BRINP2: variants seen among roughly 807,000 people sequenced by gnomAD.
The protein encoded by BRINP2 is BMP/retinoic acid-inducible neural-specific protein 2.
BRINP2 carries 21 observed loss-of-function variants against 69.2 expected under a neutral mutation model. The ratio of observed to expected loss-of-function variants is 0.30; its 90% CI spans 0.22 to 0.44. BRINP2 has a LOEUF of 0.44. BRINP2 is among the 20% of genes least tolerant of loss of function. The pLI is 1.00. For synonymous variants in BRINP2, 380 were observed against 394.1 expected, an observed-to-expected ratio of 0.96 and a Z score of 0.42; for missense variants, 877 against 986.0, an observed-to-expected ratio of 0.89 and a Z score of 1.48.
At chr1:177,253,055 T>C (rs915558437) in intron 2 of BRINP2, among the ~76,000 whole-genome samples, 4 of 152,200 alleles carry the variant, frequency 2.6e-5, no homozygotes, top group Non-Finnish European at 4.4e-5. Flanking sequence ...TTCCTTTGAA[T>C]ATGTACCTAG....
Position 177,281,736 on chromosome 1 carries a change from A to C in BRINP2, c.*208A>C. On this transcript the variant is annotated 3_prime_UTR_variant, in exon 8 of 8. Coordinates refer to ENST00000361539, the MANE Select transcript of BRINP2 (RefSeq NM_021165.4). ...CGCACGCATACACACACACACACACACACTGGCACAGGGAGGCTACAACTA... is the reference window on the plus strand; with the variant it reads ...CGCACGCATACACACACACACACACCCACTGGCACAGGGAGGCTACAACTA... 1 of 515,160 alleles carries C rather than the reference A, an allele frequency of 1.9e-6. No homozygotes were observed. Among genetic ancestry groups the C allele is most frequent in the Non-Finnish European group, 3.3e-6 (1 of 302,536 alleles). 31.9% of individuals were successfully genotyped at this position (515,160 alleles called of 1,614,324 possible).
chr1:177,205,628 G>A (rs936201331), intron 1 of BRINP2, among the ~76,000 whole-genome samples: 1 of 152,142 alleles, frequency 6.6e-6, no homozygotes, highest in Non-Finnish European at 1.5e-5. Context: ...GACCACACAG[G>A]CAGGGCCTGC....
At chr1:177,187,101 T>G (rs1000012976) in intron 1 of BRINP2, among the ~76,000 whole-genome samples, 6 of 151,928 alleles carry the variant, frequency 3.9e-5, no homozygotes, top group Non-Finnish European at 7.4e-5. Flanking sequence ...AGTGACGGAG[T>G]TTTAGAAAGA....
Position 177,280,569 on chromosome 1 carries a change from G to T in BRINP2, c.1393G>T (p.Ala465Ser). The T allele has an allele frequency of 6.2e-7, 1 of 1,614,160 alleles. No homozygotes were observed. Among genetic ancestry groups the T allele is most frequent in the Non-Finnish European group, 8.5e-7 (1 of 1,180,018 alleles). ...PIPCALGEGP[A>S]CAHCAPDNST... ...CCCATGTGCCTTGGGCGAAGGGCCC[G>T]CGTGTGCCCACTGTGCTCCAGACAA... is the stretch of plus-strand genomic sequence containing the variant. Residue 465 changes from alanine to serine, a missense_variant, in exon 8 of 8, where the codon GCG (alanine) becomes TCG (serine). By Grantham distance (99) the Ala-to-Ser change is moderately conservative. This residue lies in a region of BRINP2 where 566 missense variants were observed against 625.2 expected (regional missense o/e 0.91). Transcript: ENST00000361539.
chr1:177,215,553 T>C (rs1317481401), intron 1 of BRINP2, among the ~76,000 whole-genome samples: 1 of 152,200 alleles, frequency 6.6e-6, no homozygotes, highest in African/African-American at 2.4e-5. Context: ...GTCCTGAAAC[T>C]TCACTGAATT....
intron 3 of BRINP2, chr1:177,256,744 C>G: frequency 9.2e-7 from 1 of 1,088,576 alleles, no homozygotes; most frequent in Non-Finnish European, 1.1e-6. Flanking sequence ...AGGGCTCGGG[C>G]CAGCTGTCGG....
chr1:177,271,615 G>A (rs1158409435), intron 4 of BRINP2, among the ~76,000 whole-genome samples: 1 of 152,138 alleles, frequency 6.6e-6, no homozygotes, highest in Non-Finnish European at 1.5e-5. Flanking sequence ...GAGTTCTTGG[G>A]AAAGTTAAGT....
chr1:177,277,072 T>C (rs909643010), intron 6 of BRINP2, among the ~76,000 whole-genome samples: 1 of 152,176 alleles, frequency 6.6e-6, no homozygotes. Flanking sequence ...TATTTGCACA[T>C]TTCAACACTA....
chr1:177,248,224 A>T lies in BRINP2; in HGVS notation c.270-7695A>T, dbSNP rs546628358. On this transcript the variant is annotated intron_variant, in intron 2 of 7. Coordinates refer to ENST00000361539, the MANE Select transcript of BRINP2 (RefSeq NM_021165.4). ...ATGTTGGGGACCAGAAATATTTTGAATTTTTTTTCAGATTTTAGAATATTT... is the reference window on the plus strand; with the variant it reads ...ATGTTGGGGACCAGAAATATTTTGATTTTTTTTTCAGATTTTAGAATATTT... Among the ~76,000 whole-genome samples, 13 of 152,104 alleles carry T rather than the reference A, an allele frequency of 8.5e-5. No individual in the cohort carries two copies. The South Asian group carries it at 2.7e-3, about 32-fold the overall frequency.
intron 1 of BRINP2, among the ~76,000 whole-genome samples, chr1:177,196,528 G>A (rs891732283): frequency 1.5e-4 from 23 of 152,038 alleles, no homozygotes; most frequent in South Asian, 2.1e-4. Flanking sequence ...TGAGGCAGGA[G>A]AATCACTTGA....
intron 1 of BRINP2, among the ~76,000 whole-genome samples, chr1:177,186,590 T>A (rs1387940981): frequency 1.3e-5 from 2 of 151,858 alleles, no homozygotes; most frequent in East Asian, 3.9e-4. Flanking sequence ...GTAATGGAGG[T>A]CAAAGTTAGG....
intron 4 of BRINP2, among the ~76,000 whole-genome samples, chr1:177,266,764 A>C (rs1421913310): frequency 1.3e-5 from 2 of 151,390 alleles, no homozygotes; most frequent in East Asian, 3.9e-4. Flanking sequence ...ACTCTAAAAA[A>C]AAAAAAAAAA....
chr1:177,259,076 CAACA>C (rs950131687), intron 4 of BRINP2, among the ~76,000 whole-genome samples: 5 of 152,166 alleles, frequency 3.3e-5, no homozygotes, highest in African/African-American at 7.2e-5. Context: ...AGGCCGCTTG[CAACA>C]AACAGTTAGC....
chr1:177,208,074 A>G (rs1318125491), intron 1 of BRINP2, among the ~76,000 whole-genome samples: 1 of 152,198 alleles, frequency 6.6e-6, no homozygotes, highest in Non-Finnish European at 1.5e-5. Context: ...TTTAGAAATT[A>G]ATCTCTTTAG....
intron 4 of BRINP2, among the ~76,000 whole-genome samples, chr1:177,271,860 C>T (rs1651338119): frequency 1.3e-5 from 2 of 152,148 alleles, no homozygotes; most frequent in Non-Finnish European, 2.9e-5. Context: ...TTCATAAAGC[C>T]TTCGTGGACT....
intron 1 of BRINP2, among the ~76,000 whole-genome samples, chr1:177,178,318 A>C (rs1187591447): frequency 6.6e-6 from 1 of 152,168 alleles, no homozygotes; most frequent in African/African-American, 2.4e-5. Context: ...CACTATTGTC[A>C]AAATAACAAT....
chr1:177,176,156 A>G (rs947449173), intron 1 of BRINP2, among the ~76,000 whole-genome samples: 2 of 152,206 alleles, frequency 1.3e-5, no homozygotes, highest in East Asian at 1.9e-4. Context: ...TGAGGCTCAC[A>G]TGAAATGCAA....
intron 1 of BRINP2, among the ~76,000 whole-genome samples, chr1:177,200,897 T>A (rs899413136): frequency 1.7e-4 from 26 of 152,216 alleles, no homozygotes; most frequent in African/African-American, 5.3e-4. Context: ...TTTATAGTGC[T>A]TCATTATTTA....
chr1:177,197,489 G>A (rs1255815182), intron 1 of BRINP2, among the ~76,000 whole-genome samples: 3 of 152,104 alleles, frequency 2.0e-5, no homozygotes, highest in African/African-American at 2.4e-5. Flanking sequence ...CTGATAGGGT[G>A]TGACTTTATA....
Sources: gnomAD v4.1 joint callset for allele counts (sites outside exome capture counted in the v4.1 genomes callset) on GRCh38, gnomAD v4.1.1 for gene constraint, gnomAD v4.1.1 regional missense constraint, MANE v1.5 for transcripts, NCBI Gene and HGNC (gene_info 2026-07-23, HGNC 2026-07-21) for gene names.